Variants in OTOGL observed in about 807,000 individuals in gnomAD.
OTOGL encodes otogelin like.
In OTOGL, 285 loss-of-function variants were observed where a neutral mutation model predicts 318.5. That is an observed-to-expected ratio of 0.89 (90% confidence interval 0.81 to 0.99). The LOEUF is 0.99. OTOGL is among the 50% of genes least tolerant of loss of function. The pLI is 0.00. For missense variants in OTOGL, 2,899 were observed against 2,845.6 expected, an observed-to-expected ratio of 1.02 and a Z score of -0.43; for synonymous variants, 987 against 936.5, an observed-to-expected ratio of 1.05 and a Z score of -0.99.
chr12:80,189,374 A>C (rs1278176670), intron 1 of OTOGL: 2 of 942,374 alleles, frequency 2.1e-6, no homozygotes, highest in Admixed American at 6.2e-5. Context: ...TCTGAGTAAA[A>C]CAAAGAGAAT....
chr12:80,356,960 G>C (rs199697906), intron 49 of OTOGL, 46 bp downstream of exon 49: 3 of 1,242,010 alleles, frequency 2.4e-6, no homozygotes, highest in African/African-American at 3.6e-5. Context: ...AAAGGATCTA[G>C]GAAAAAAATC....
intron 1 of OTOGL, among the ~76,000 whole-genome samples, chr12:80,126,270 T>C (rs934192913): frequency 6.6e-6 from 1 of 152,204 alleles, no homozygotes; most frequent in Non-Finnish European, 1.5e-5. Context: ...AAAGAACATC[T>C]TTATTTCTGC....
intron 28 of OTOGL, among the ~76,000 whole-genome samples, chr12:80,304,645 A>T (rs890344920): frequency 6.6e-6 from 1 of 152,172 alleles, no homozygotes; most frequent in Non-Finnish European, 1.5e-5. Context: ...GGCATCTTGA[A>T]TTTCTCTGAT....
intron 1 of OTOGL, among the ~76,000 whole-genome samples, chr12:80,167,814 A>G (rs968088479): frequency 6.8e-6 from 1 of 146,466 alleles, no homozygotes; most frequent in African/African-American, 2.7e-5. Flanking sequence ...CTCTTACCAC[A>G]TAGCGGAAAA....
chr12:80,120,557 G>A (rs1360566563), intron 1 of OTOGL, among the ~76,000 whole-genome samples: 1 of 151,892 alleles, frequency 6.6e-6, no homozygotes, highest in Non-Finnish European at 1.5e-5. Context: ...AAATCCTAAG[G>A]ATTCTCTCTC....
At chr12:80,328,588 A>C in intron 35 of OTOGL, 77 bp from the exon 36 acceptor site, 1 of 1,075,262 alleles carries the variant, frequency 9.3e-7, no homozygotes, top group Non-Finnish European at 1.4e-6. Flanking sequence ...TCTTAGTCGC[A>C]TATGTTAAAT....
chr12:80,323,242 A>G (rs1341764835), intron 34 of OTOGL, among the ~76,000 whole-genome samples: 2 of 152,084 alleles, frequency 1.3e-5, no homozygotes, highest in African/African-American at 4.8e-5. Flanking sequence ...ATTTAATCTG[A>G]GCATGAAATG....
chr12:80,322,053 T>G (rs1331208357), intron 34 of OTOGL, among the ~76,000 whole-genome samples: 1 of 152,176 alleles, frequency 6.6e-6, no homozygotes, highest in Non-Finnish European at 1.5e-5. Context: ...CTGTTGGGAA[T>G]GGCAACAGAG....
chr12:80,232,551 A>G (rs1314865206), intron 8 of OTOGL, among the ~76,000 whole-genome samples: 2 of 152,236 alleles, frequency 1.3e-5, no homozygotes, highest in East Asian at 3.8e-4. Context: ...AGCTCTAAGT[A>G]TACTAAATAG....
At chr12:80,300,784 C>T (rs1035778107) in intron 27 of OTOGL, among the ~76,000 whole-genome samples, 2 of 152,054 alleles carry the variant, frequency 1.3e-5, no homozygotes, top group African/African-American at 4.8e-5. Context: ...GAGTTCCTAG[C>T]AGGAGGAACA....
Position 80,278,677 on chromosome 12 carries a change from G to A in OTOGL, c.2790-351G>A, listed in dbSNP as rs145651714. 2.9e-3 allele frequency among the ~76,000 whole-genome samples: 446 copies of A among 151,618 alleles called. 5 individuals are homozygous for A. The highest frequency in any genetic ancestry group is 0.01 in the African/African-American group (418 of 41,476). On this transcript the variant is annotated intron_variant, in intron 25 of 58. Coordinates refer to ENST00000547103, the MANE Select transcript of OTOGL (RefSeq NM_001378609.3). ...ATGGACAAAGATTCTAAACTCATGA[G>A]CAATGTCATGTCTAATGCATTTAAA... is the stretch of plus-strand genomic sequence containing the variant.
chr12:80,178,061 C>CTTTTTTTTTTTTTTTT (rs71094968), intron 1 of OTOGL, among the ~76,000 whole-genome samples: 59 of 74,918 alleles, frequency 7.9e-4, no homozygotes, highest in African/African-American at 1.2e-3. Flanking sequence ...TTCTTTCTTT[C>CTTTTTTTTTTTTTTTT]TTTTTTTTTT....
chr12:80,131,046 G>T (rs1461936899), intron 1 of OTOGL: 1 of 152,186 alleles, frequency 6.6e-6, no homozygotes, highest in African/African-American at 2.4e-5. Context: ...CAGAAGGCTG[G>T]AAGATCAGGG....
At chr12:80,294,871 G>A (rs563971470) in intron 26 of OTOGL, among the ~76,000 whole-genome samples, 1 of 152,264 alleles carries the variant, frequency 6.6e-6, no homozygotes, top group South Asian at 2.1e-4. Flanking sequence ...TGGCTCGCTT[G>A]AGCCCAGTAG....
intron 37 of OTOGL, among the ~76,000 whole-genome samples, chr12:80,330,634 C>A (rs1888008804): frequency 6.6e-6 from 1 of 152,164 alleles, no homozygotes; most frequent in African/African-American, 2.4e-5. Flanking sequence ...ACCATAATCT[C>A]TTTGCAGAGA....
rs1203529205 is a variant in OTOGL at position 80,342,016 on chromosome 12, G to T, written c.5119G>T (p.Asp1707Tyr). The change falls in exon 44 of 59, where the codon GAC becomes TAC. Residue 1707 changes from aspartate (D) to tyrosine (Y), a missense_variant. This residue lies in a region of OTOGL where 2,607 missense variants were observed against 2,524.9 expected (regional missense o/e 1.03). Transcript: ENST00000547103. ...QNGTIITNMEDIGLFIESWEI... is the reference protein window; with the variant it reads ...QNGTIITNMEYIGLFIESWEI... ...TGGCACAATTATTACAAATATGGAA[G>T]ACATAGGATTATTTATTGAGAGCTG... 6.2e-7 allele frequency: 1 copy of T among 1,608,650 alleles called. No homozygotes were observed. The highest frequency in any genetic ancestry group is 1.7e-5 in the Admixed American group (1 of 59,566).
At chr12:80,127,672 T>C (rs1301542142) in intron 1 of OTOGL, among the ~76,000 whole-genome samples, 2 of 152,250 alleles carry the variant, frequency 1.3e-5, no homozygotes, top group African/African-American at 2.4e-5. Context: ...CATTTTCAGG[T>C]ACACCAATCA....
chr12:80,312,783 A>G (rs905810114), intron 30 of OTOGL, among the ~76,000 whole-genome samples: 1 of 152,136 alleles, frequency 6.6e-6, no homozygotes, highest in Non-Finnish European at 1.5e-5. Context: ...AATACAGCTC[A>G]GTGACAGCAA....
intron 26 of OTOGL, among the ~76,000 whole-genome samples, chr12:80,291,567 T>C (rs1475090432): frequency 2.0e-5 from 3 of 152,196 alleles, no homozygotes; most frequent in Non-Finnish European, 4.4e-5. Context: ...CAGAAAGTGA[T>C]GTGCTTTACT....
Sources: gnomAD v4.1 joint callset for allele counts (sites outside exome capture counted in the v4.1 genomes callset) on GRCh38, gnomAD v4.1.1 for gene constraint, gnomAD v4.1.1 regional missense constraint, MANE v1.5 for transcripts, NCBI Gene and HGNC (gene_info 2026-07-23, HGNC 2026-07-21) for gene names.